The following MSRA variants were observed in gnomAD, a reference collection of about 807,000 sequenced individuals.
MSRA encodes methionine sulfoxide reductase A.
A neutral mutation model predicts 31.3 loss-of-function variants in MSRA; 54 were observed. That is an observed-to-expected ratio of 1.73 (90% CI 1.39 to 2.17). MSRA has a LOEUF of 2.17. Among genes scored for constraint, MSRA ranks in the 30% most tolerant of loss-of-function variants. MSRA has a pLI of 0.00. For missense variants in MSRA, 507 were observed against 300.9 expected, an observed-to-expected ratio of 1.69 and a Z score of -5.07; for synonymous variants, 169 against 116.5, an observed-to-expected ratio of 1.45 and a Z score of -2.90.
intron 5 of MSRA, among the ~76,000 whole-genome samples, chr8:10,390,000 C>T (rs532985937): frequency 6.6e-6 from 1 of 152,122 alleles, no homozygotes; most frequent in Non-Finnish European, 1.5e-5. Context: ...TCTGCAGGTA[C>T]CAGGTCAGAC....
intron 1 of MSRA, among the ~76,000 whole-genome samples, chr8:10,097,194 A>C (rs931510200): frequency 6.6e-6 from 1 of 152,238 alleles, no homozygotes; most frequent in African/African-American, 2.4e-5. Context: ...AATATATGAA[A>C]TCTAACAGAG....
chr8:10,223,187 A>G (rs559076404), intron 2 of MSRA, among the ~76,000 whole-genome samples: 4 of 152,314 alleles, frequency 2.6e-5, no homozygotes, highest in East Asian at 1.9e-4. Flanking sequence ...TTGCAGGTCA[A>G]TATTACCTGC....
intron 1 of MSRA, among the ~76,000 whole-genome samples, chr8:10,134,849 C>G (rs1212874644): frequency 6.6e-6 from 1 of 152,186 alleles, no homozygotes; most frequent in Non-Finnish European, 1.5e-5. Context: ...GTTTTACAAG[C>G]TGTGTTCTGA....
At chr8:10,095,975 G>T (rs1279538615) in intron 1 of MSRA, 45 of 1,391,888 alleles carry the variant, frequency 3.2e-5, no homozygotes, top group Non-Finnish European at 2.7e-5. Flanking sequence ...ACAAAATAAA[G>T]TTTGTTCATC....
chr8:10,316,527 C>CT (rs1801726307), intron 4 of MSRA, among the ~76,000 whole-genome samples: 95 of 112,634 alleles, frequency 8.4e-4, no homozygotes, highest in African/African-American at 2.2e-3. Flanking sequence ...TTTGATGATC[C>CT]CTCTCTCTCT....
At chr8:10,332,357 T>A (rs1426105554) in intron 5 of MSRA, among the ~76,000 whole-genome samples, 1 of 152,228 alleles carries the variant, frequency 6.6e-6, no homozygotes, top group Non-Finnish European at 1.5e-5. Flanking sequence ...ATTTTTTTTA[T>A]CTGTGCTTTT....
At chr8:10,171,471 C>T (rs928159919) in intron 1 of MSRA, among the ~76,000 whole-genome samples, 30 of 151,556 alleles carry the variant, frequency 2.0e-4, no homozygotes, top group African/African-American at 5.6e-4. Flanking sequence ...TTTTAGTTTC[C>T]GTGAGAGAAA....
At chr8:10,352,143 C>T (rs964643846) in intron 5 of MSRA, among the ~76,000 whole-genome samples, 6 of 152,044 alleles carry the variant, frequency 3.9e-5, no homozygotes, top group Non-Finnish European at 5.9e-5. Flanking sequence ...GTGCTGGTGC[C>T]GATGAGCAGG....
At chr8:10,330,915 G>A (rs1168935886) in intron 5 of MSRA, among the ~76,000 whole-genome samples, 2 of 152,226 alleles carry the variant, frequency 1.3e-5, no homozygotes, top group African/African-American at 4.8e-5. Flanking sequence ...GTGTGATGGT[G>A]TTTGGACATG....
At chr8:10,353,807 A>G (rs1804346081) in intron 5 of MSRA, 3 of 292,062 alleles carry the variant, frequency 1.0e-5, no homozygotes, top group South Asian at 9.3e-5. Flanking sequence ...AGTAATAAAC[A>G]TAGAGGGAGA....
intron 5 of MSRA, among the ~76,000 whole-genome samples, chr8:10,416,605 T>G (rs774545915): frequency 1.3e-5 from 2 of 152,208 alleles, no homozygotes; most frequent in Admixed American, 6.5e-5. Context: ...CACTCACAGC[T>G]TACTGGCCAA....
intron 1 of MSRA, among the ~76,000 whole-genome samples, chr8:10,073,423 C>T (rs564581641): frequency 2.0e-5 from 3 of 152,130 alleles, no homozygotes; most frequent in African/African-American, 4.8e-5. Context: ...CAGTGTAACA[C>T]CAGAATCGAG....
intron 1 of MSRA, among the ~76,000 whole-genome samples, chr8:10,067,200 C>A (rs886901015): frequency 5.3e-5 from 8 of 152,182 alleles, no homozygotes; most frequent in Non-Finnish European, 1.0e-4. Flanking sequence ...GAACCCCTTG[C>A]AACCACTGAA....
At chr8:10,260,763 G>T (rs554137584) in intron 3 of MSRA, among the ~76,000 whole-genome samples, 2 of 152,296 alleles carry the variant, frequency 1.3e-5, no homozygotes, top group Non-Finnish European at 2.9e-5. Context: ...GCGTGTGTGT[G>T]TGCTTAATGT....
At chr8:10,313,686 A>C (rs545159033) in intron 4 of MSRA, among the ~76,000 whole-genome samples, 1 of 152,312 alleles carries the variant, frequency 6.6e-6, no homozygotes, top group African/African-American at 2.4e-5. Context: ...TTAAAAGCTA[A>C]TCTCGACATT....
intron 1 of MSRA, among the ~76,000 whole-genome samples, chr8:10,072,463 A>G (rs556127361): frequency 1.4e-4 from 21 of 152,236 alleles, no homozygotes; most frequent in African/African-American, 4.8e-4. Flanking sequence ...CCGTTGATCT[A>G]TGGGTCTCCC....
intron 3 of MSRA, among the ~76,000 whole-genome samples, chr8:10,275,612 G>A (rs1189174851): frequency 6.6e-6 from 1 of 152,170 alleles, no homozygotes; most frequent in African/African-American, 2.4e-5. Flanking sequence ...GCAAGAGATG[G>A]AACTAGGATT....
chr8:10,075,857 C>A (rs1165357660), intron 1 of MSRA, among the ~76,000 whole-genome samples: 3 of 152,168 alleles, frequency 2.0e-5, no homozygotes, highest in African/African-American at 7.2e-5. Context: ...CTCTCTTTTC[C>A]TAATACCAAG....
At chr8:10,092,495 T>A (rs779839703) in intron 1 of MSRA, among the ~76,000 whole-genome samples, 4 of 152,084 alleles carry the variant, frequency 2.6e-5, no homozygotes, top group Non-Finnish European at 4.4e-5. Context: ...CCATCTTTAC[T>A]AAAAATATAA....
Sources: gnomAD v4.1 joint callset for allele counts (sites outside exome capture counted in the v4.1 genomes callset) on GRCh38, gnomAD v4.1.1 for gene constraint, MANE v1.5 for transcripts, NCBI Gene and HGNC (gene_info 2026-07-23, HGNC 2026-07-21) for gene names.